The following OSBPL10 variants were observed in gnomAD, a reference collection of about 807,000 sequenced individuals.
OSBPL10 encodes the protein oxysterol binding protein like 10.
OSBPL10 carries 49 observed loss-of-function variants against 81.7 expected under a neutral mutation model. That is an observed-to-expected ratio of 0.60 (90% CI 0.48 to 0.76). The LOEUF (loss-of-function observed/expected upper bound fraction) is 0.76, where lower values mean the gene tolerates loss of function less well. Ranked by LOEUF, OSBPL10 falls within the 30% of genes least tolerant of loss-of-function variation. The pLI, the probability that OSBPL10 is intolerant of heterozygous loss-of-function variation, is 0.00. For synonymous variants in OSBPL10, 419 were observed against 383.6 expected, an observed-to-expected ratio of 1.09 and a Z score of -1.08; for missense variants, 923 against 987.8, an observed-to-expected ratio of 0.93 and a Z score of 0.88.
At chr3:31,798,514 T>C (rs1386357771) in intron 4 of OSBPL10, among the ~76,000 whole-genome samples, 3 of 152,048 alleles carry the variant, frequency 2.0e-5, no homozygotes, top group African/African-American at 7.3e-5. Context: ...TTTTTTAATA[T>C]TAATCATATG....
chr3:31,981,130 CTGCTGT>C lies in OSBPL10; in HGVS notation c.44_49del (p.Asn15_Ser16del). ...GGTAGCACGGCTGCTGCTGCGGCTG[CTGCTGT>C]TGCTACCCCCGCCGCCGTCTGTGCC... On this transcript the variant is annotated inframe_deletion, in exon 1 of 12. Transcript: ENST00000396556. This position sits in a 1 kb window ranked among gnomAD's most constrained non-coding sequence, Gnocchi z 4.5. The C allele has an allele frequency of 6.7e-7, 1 of 1,491,876 alleles. No individual in the cohort carries two copies. Among genetic ancestry groups the C allele is most frequent in the African/African-American group, 1.5e-5 (1 of 68,422 alleles). 92.4% of individuals were successfully genotyped at this position (1,491,876 alleles called of 1,614,324 possible). A position where few individuals can be genotyped will look rare whatever the true frequency, so the allele number is the denominator to read the frequency against.
intron 2 of OSBPL10, among the ~76,000 whole-genome samples, chr3:32,005,798 G>A (rs965006922): frequency 3.3e-5 from 5 of 151,910 alleles, no homozygotes; most frequent in Non-Finnish European, 5.9e-5. Flanking sequence ...CGTGTTAGCC[G>A]CATGGTCTCA....
chr3:32,003,645 C>A (rs1699174110), intron 2 of OSBPL10, among the ~76,000 whole-genome samples: 1 of 152,224 alleles, frequency 6.6e-6, no homozygotes, highest in Non-Finnish European at 1.5e-5. Context: ...GGATAATCCT[C>A]TTTCTCGTCT....
chr3:31,776,013 C>T (rs1467339305), intron 4 of OSBPL10, among the ~76,000 whole-genome samples: 4 of 151,978 alleles, frequency 2.6e-5, no homozygotes, highest in South Asian at 4.1e-4. Flanking sequence ...TACAGAGGCA[C>T]GTGGGGTTGC....
intron 1 of OSBPL10, among the ~76,000 whole-genome samples, chr3:31,965,121 G>A (rs1019336453): frequency 1.1e-4 from 16 of 151,926 alleles, no homozygotes; most frequent in South Asian, 2.1e-4. Flanking sequence ...CGGCCGGGGC[G>A]CACTTTGGGA....
intron 4 of OSBPL10, among the ~76,000 whole-genome samples, chr3:31,749,059 A>C (rs1215415045): frequency 6.6e-6 from 1 of 152,236 alleles, no homozygotes; most frequent in Non-Finnish European, 1.5e-5. Context: ...TGACATCAGA[A>C]GCAGGAGTAA....
intron 3 of OSBPL10, among the ~76,000 whole-genome samples, chr3:31,866,436 C>CA (rs374261556): frequency 1.7e-4 from 26 of 152,250 alleles, no homozygotes; most frequent in African/African-American, 6.3e-4. Flanking sequence ...ACACAGCCTT[C>CA]AGGAAGAGAA....
At chr3:31,733,910 T>C (rs1697065612) in intron 5 of OSBPL10, among the ~76,000 whole-genome samples, 1 of 151,718 alleles carries the variant, frequency 6.6e-6, no homozygotes, top group African/African-American at 2.4e-5. Context: ...CTCGGGAGGC[T>C]GAGGCAGGAG....
At chr3:31,896,790 A>AG (rs1417377815) in intron 1 of OSBPL10, among the ~76,000 whole-genome samples, 3 of 152,210 alleles carry the variant, frequency 2.0e-5, no homozygotes, top group Non-Finnish European at 4.4e-5. Flanking sequence ...TTCCCTACTC[A>AG]GCACCTTTCC....
At chr3:31,923,301 C>T (rs1696972371) in intron 1 of OSBPL10, among the ~76,000 whole-genome samples, 1 of 152,228 alleles carries the variant, frequency 6.6e-6, no homozygotes, top group South Asian at 2.1e-4. Flanking sequence ...GTTCTCTCTC[C>T]AAAGGTCCAG....
At chr3:31,670,222 AGTTT>A (rs1316315837) in intron 9 of OSBPL10, among the ~76,000 whole-genome samples, 5 of 152,230 alleles carry the variant, frequency 3.3e-5, no homozygotes, top group South Asian at 2.1e-4. Flanking sequence ...CAAAGATGGA[AGTTT>A]GTTTGTACAG....
intron 1 of OSBPL10, among the ~76,000 whole-genome samples, chr3:31,967,966 T>C (rs1008507860): frequency 6.6e-6 from 1 of 152,244 alleles, no homozygotes; most frequent in African/African-American, 2.4e-5. Context: ...GGTTTTTGTT[T>C]TGAATAGGTC....
At chr3:31,890,695 T>A (rs527660483) in intron 1 of OSBPL10, among the ~76,000 whole-genome samples, 1 of 152,212 alleles carries the variant, frequency 6.6e-6, no homozygotes, top group Non-Finnish European at 1.5e-5. Context: ...AACTGAGACC[T>A]GTCTTATGAG....
chr3:32,013,365 A>C (rs1474716595), intron 2 of OSBPL10, among the ~76,000 whole-genome samples: 2 of 152,250 alleles, frequency 1.3e-5, no homozygotes, highest in Admixed American at 6.5e-5. Flanking sequence ...AACGAAATGA[A>C]GGCAGAAATA....
Position 32,027,669 on chromosome 3 carries a change from T to A in OSBPL10, n.298+18822A>T, listed in dbSNP as rs1204284855. Among the ~76,000 whole-genome samples, 5 of 152,206 alleles carry A rather than the reference T, an allele frequency of 3.3e-5. No individual in the cohort carries two copies. The South Asian group carries it at 1.0e-3, about 32-fold the overall frequency. On this transcript the variant is annotated intron_variant and non_coding_transcript_variant, in intron 2 of 3. Transcript: ENST00000479173. ...TTTATTTTAACAGACAGGGTCTCAC[T>A]ATGTTGCCAGGCTATTTATGGCTAT...
chr3:31,856,299 C>G (rs1312467468), intron 3 of OSBPL10, among the ~76,000 whole-genome samples: 1 of 152,048 alleles, frequency 6.6e-6, no homozygotes. Flanking sequence ...AAAAGCTGTT[C>G]TTAAATTGTG....
At chr3:32,059,988 G>A (rs1699742987) in intron 1 of OSBPL10, among the ~76,000 whole-genome samples, 1 of 152,112 alleles carries the variant, frequency 6.6e-6, no homozygotes, top group South Asian at 2.1e-4. Flanking sequence ...ACTAAAAAGT[G>A]CATGAGGGGG....
At chr3:32,067,352 C>T (rs767424866) in intron 1 of OSBPL10, among the ~76,000 whole-genome samples, 1 of 152,074 alleles carries the variant, frequency 6.6e-6, no homozygotes, top group East Asian at 1.9e-4. Flanking sequence ...TGTGGAGGGT[C>T]GTGTTCTCTC....
At chr3:31,843,438 C>T (rs929883020) in intron 3 of OSBPL10, among the ~76,000 whole-genome samples, 2 of 152,182 alleles carry the variant, frequency 1.3e-5, no homozygotes, top group Non-Finnish European at 2.9e-5. Flanking sequence ...TCCTCTCTTT[C>T]CATATTTTGT....
Sources: allele counts gnomAD v4.1 joint callset (sites outside exome capture counted in the v4.1 genomes callset), GRCh38; gene constraint gnomAD v4.1.1; non-coding constraint Gnocchi (gnomAD v3.1); transcripts MANE v1.5; gene names NCBI Gene and HGNC (gene_info 2026-07-23, HGNC 2026-07-21).